Variants in NPHP4 observed in about 807,000 individuals in gnomAD.
NPHP4 encodes the protein nephrocystin-4.
Under a neutral mutation model 155.8 loss-of-function variants are expected in NPHP4, and 151 were observed. The ratio of observed to expected loss-of-function variants is 0.97; its 90% CI spans 0.85 to 1.11. The LOEUF (loss-of-function observed/expected upper bound fraction) is 1.11. Ranked by LOEUF, NPHP4 falls within the 50% of genes least tolerant of loss-of-function variation. NPHP4 has a pLI of 0.00. For synonymous variants in NPHP4, 845 were observed against 816.8 expected, an observed-to-expected ratio of 1.03 and a Z score of -0.59; for missense variants, 1,956 against 1,925.7, an observed-to-expected ratio of 1.02 and a Z score of -0.29.
intron 16 of NPHP4, among the ~76,000 whole-genome samples, chr1:5,898,649 C>CA (rs1221501420): frequency 6.6e-6 from 1 of 152,264 alleles, no homozygotes; most frequent in African/African-American, 2.4e-5. Flanking sequence ...CGCATTCACT[C>CA]AGACACCTGA....
intron 9 of NPHP4, among the ~76,000 whole-genome samples, 180 bp from the exon 10 acceptor site, chr1:5,933,509 G>A (rs1169771094): frequency 1.3e-5 from 2 of 152,206 alleles, no homozygotes; most frequent in Non-Finnish European, 2.9e-5. Context: ...CATCCACAGT[G>A]CAGACAGTAG....
In NPHP4 at chr1:5,874,497, A is replaced by G. The variant is rs759519906; in HGVS notation, c.3205T>C (p.Ser1069Pro). The G allele has an allele frequency of 6.4e-7, 1 of 1,566,754 alleles. No individual in the cohort carries two copies. The highest frequency in any genetic ancestry group is 1.2e-5 in the South Asian group (1 of 85,674). ...AHVPFKFQSFSAGQLAMVQAS... is the reference protein window; with the variant it reads ...AHVPFKFQSFPAGQLAMVQAS... ...TGCACCATGGCCAGCTGCCCTGCAG[A>G]GAAGCTCTGGAACTTGAAGGGGACG... Residue 1069 changes from serine (S) to proline (P), a missense_variant, in exon 22 of 30, where the codon TCT becomes CCT. Ser to Pro is a moderately conservative substitution (Grantham distance 74). Transcript: ENST00000378156.
intron 9 of NPHP4, among the ~76,000 whole-genome samples, chr1:5,936,409 A>G (rs1458191746): frequency 6.6e-6 from 1 of 152,188 alleles, no homozygotes; most frequent in Non-Finnish European, 1.5e-5. Flanking sequence ...GCAGAGTCAC[A>G]GTGAGTCTAA....
chr1:5,871,338 CAT>C (rs1293086169), intron 23 of NPHP4, among the ~76,000 whole-genome samples: 1 of 152,156 alleles, frequency 6.6e-6, no homozygotes, highest in African/African-American at 2.4e-5. Context: ...GCGGTGCCTC[CAT>C]GGGATGAGAA....
At chr1:5,988,103 T>C (rs576752177) in intron 1 of NPHP4, among the ~76,000 whole-genome samples, 9 of 152,334 alleles carry the variant, frequency 5.9e-5, no homozygotes, top group South Asian at 2.1e-4. Flanking sequence ...TGGTACAAAA[T>C]CCTGCAAGAA....
intron 3 of NPHP4, among the ~76,000 whole-genome samples, chr1:5,970,421 T>G (rs147463915): frequency 2.4e-4 from 36 of 152,166 alleles, no homozygotes; most frequent in African/African-American, 6.3e-4. Context: ...GAGGATCACT[T>G]GAGCCTGGGA....
At chr1:5,933,363 T>C (rs1646378492) in intron 9 of NPHP4, 34 bp from the exon 10 acceptor site, 1 of 1,579,342 alleles carries the variant, frequency 6.3e-7, no homozygotes. Context: ...GGTGTATGAG[T>C]TATCACAGAA....
rs1644042220 is a variant in NPHP4 at position 5,890,101 on chromosome 1, GC to G, written c.2304+766del. Among the ~76,000 whole-genome samples the G allele has an allele frequency of 6.6e-6, 1 of 152,108 alleles. No individual in the cohort carries two copies. Among genetic ancestry groups the G allele is most frequent in the African/African-American group, 2.4e-5 (1 of 41,402 alleles). Reference sequence around the variant, plus strand: ...CAGCAGCTGCTGGAGAGGACAGGAAGCCCCGGGGGTTCAGCCGTGTCAGGAA... The same window carrying G: ...CAGCAGCTGCTGGAGAGGACAGGAAGCCCGGGGGTTCAGCCGTGTCAGGAA... On this transcript the variant is annotated intron_variant, in intron 17 of 29. Coordinates refer to ENST00000378156, the MANE Select transcript of NPHP4 (RefSeq NM_015102.5). The surrounding 1 kb of genome is among the most constrained non-coding windows in gnomAD (Gnocchi z 4.9).
chr1:5,877,599 C>T (rs757716371), intron 19 of NPHP4: 48 of 279,964 alleles, frequency 1.7e-4, no homozygotes, highest in Non-Finnish European at 2.7e-4. Flanking sequence ...AAGAAGGCCA[C>T]GTTCTAGAAG....
At chr1:5,931,671 T>G (rs1646279741) in intron 10 of NPHP4, among the ~76,000 whole-genome samples, 1 of 139,230 alleles carries the variant, frequency 7.2e-6, no homozygotes, top group African/African-American at 2.7e-5. Flanking sequence ...GAGATGGAGG[T>G]TGCAGTGAGC....
chr1:5,868,840 ACACACGCATGCACACACATAC>A (rs1641603726), intron 23 of NPHP4, among the ~76,000 whole-genome samples: 1 of 142,330 alleles, frequency 7.0e-6, no homozygotes, highest in Admixed American at 7.0e-5. Flanking sequence ...ACACGCACCC[ACACACGCATGCACACACATAC>A]ATGCACACAT....
In NPHP4 at chr1:5,948,074, T is replaced by G; in HGVS notation, c.988A>C (p.Thr330Pro). Residue 330 changes from threonine (T) to proline (P), a missense_variant, in exon 8 of 30, where the codon ACC becomes CCC. Transcript: ENST00000378156. ...TGGGGACCCAAGAGACAATACCTGG[T>G]CTTGGAAGAGGAGACCACTTTCCTG... is the stretch of plus-strand genomic sequence containing the variant. ...FSRKVVSSSK[T>P]SSGSQALVLR... 2 of 1,613,322 alleles carry G rather than the reference T, an allele frequency of 1.2e-6. No individual in the cohort carries two copies. The highest frequency in any genetic ancestry group is 2.2e-5 in the East Asian group (1 of 44,858).
chr1:5,986,517 T>G (rs1157190229), intron 1 of NPHP4, among the ~76,000 whole-genome samples, 190 bp from the exon 2 acceptor site: 2 of 152,270 alleles, frequency 1.3e-5, no homozygotes, highest in Middle Eastern at 3.4e-3. Flanking sequence ...GAAGTACCAT[T>G]TGCATTTCAA....
chr1:5,883,739 G>T (rs1643518105), intron 18 of NPHP4, among the ~76,000 whole-genome samples: 1 of 152,230 alleles, frequency 6.6e-6, no homozygotes, highest in African/African-American at 2.4e-5. Flanking sequence ...GATAGCGAAT[G>T]GTTCCCTGAA....
At position 5,874,784 on chromosome 1, in the gene NPHP4, C is replaced by T. The variant is rs556173094; in HGVS notation, c.3044+90G>A. ...AGAGAAGTCAAATCGCCCCGGCTCTCGGGCAGAATTCGAGCCAGCTCAGCA... is the reference window on the plus strand; with the variant it reads ...AGAGAAGTCAAATCGCCCCGGCTCTTGGGCAGAATTCGAGCCAGCTCAGCA... On this transcript the variant is annotated intron_variant, in intron 21 of 29. Transcript: ENST00000378156. 8.7e-4 allele frequency: 1,329 copies of T among 1,525,064 alleles called. 2 individuals carry two copies. The highest frequency in any genetic ancestry group is 3.5e-3 in the Middle Eastern group (19 of 5,470). The allele number at this position is 1,525,064 out of a possible 1,614,324, so 94.5% of individuals were successfully genotyped here.
At chr1:5,950,296 G>A (rs1402664219) in intron 7 of NPHP4, among the ~76,000 whole-genome samples, 2 of 152,136 alleles carry the variant, frequency 1.3e-5, no homozygotes, top group African/African-American at 4.8e-5. Context: ...CAGCATAACA[G>A]ACCGCACCAG....
intron 28 of NPHP4, 32 bp downstream of exon 28, chr1:5,864,306 C>T (rs1640960745): frequency 6.4e-7 from 1 of 1,559,074 alleles, no homozygotes. Flanking sequence ...GAGCCCCCAT[C>T]CCCTCAGCCT....
intron 16 of NPHP4, among the ~76,000 whole-genome samples, chr1:5,896,616 A>C (rs1644407264): frequency 6.6e-6 from 1 of 152,220 alleles, no homozygotes; most frequent in African/African-American, 2.4e-5. Flanking sequence ...TTATGAGAAA[A>C]ATTCTAAATC....
At chr1:5,924,083 A>G (rs936038151) in intron 11 of NPHP4, among the ~76,000 whole-genome samples, 3 of 152,212 alleles carry the variant, frequency 2.0e-5, no homozygotes, top group African/African-American at 7.2e-5. Context: ...GAAAACTATA[A>G]TATCTGAGAT....
Sources: allele counts gnomAD v4.1 joint callset (sites outside exome capture counted in the v4.1 genomes callset), GRCh38; gene constraint gnomAD v4.1.1; non-coding constraint Gnocchi (gnomAD v3.1); transcripts MANE v1.5; gene names NCBI Gene and HGNC (gene_info 2026-07-23, HGNC 2026-07-21).